RASGRF2: variants seen among roughly 807,000 people sequenced by gnomAD.
RASGRF2 encodes the protein ras-specific guanine nucleotide-releasing factor 2.
Under a neutral mutation model 151.0 loss-of-function variants are expected in RASGRF2, and 76 were observed. That is an observed-to-expected ratio of 0.50 (90% CI 0.42 to 0.61). The LOEUF is 0.61. Ranked by LOEUF, RASGRF2 falls within the 20% of genes least tolerant of loss-of-function variation. RASGRF2 has a pLI of 0.00. For synonymous variants in RASGRF2, 504 were observed against 566.5 expected (o/e 0.89, Z 1.57); for missense variants, 1,148 against 1,564.6 (o/e 0.73, Z 4.49).
intron 17 of RASGRF2, among the ~76,000 whole-genome samples, chr5:81,145,788 T>C (rs1753992200): frequency 6.6e-6 from 1 of 152,220 alleles, no homozygotes; most frequent in Non-Finnish European, 1.5e-5. Flanking sequence ...CTGAGCCCGA[T>C]CCACCCAGCT....
chr5:81,096,019 T>C (rs988867288), intron 12 of RASGRF2: 1 of 152,194 alleles, frequency 6.6e-6, no homozygotes, highest in Non-Finnish European at 1.5e-5. Context: ...AGTTAAGCAT[T>C]TGTCAAAAGC....
At chr5:80,961,766 T>C (rs553025203) in intron 1 of RASGRF2, among the ~76,000 whole-genome samples, 5 of 152,330 alleles carry the variant, frequency 3.3e-5, no homozygotes, top group Admixed American at 3.3e-4. Flanking sequence ...ATAATTTTAT[T>C]AGTTTTGCTG....
intron 2 of RASGRF2, among the ~76,000 whole-genome samples, chr5:81,062,189 G>A (rs1232683326): frequency 1.3e-5 from 2 of 151,972 alleles, no homozygotes; most frequent in Non-Finnish European, 1.5e-5. Context: ...TTATTACATT[G>A]TGTGAAGCCC....
At position 80,986,632 on chromosome 5, in the gene RASGRF2, C is replaced by T. The variant is rs755316634; in HGVS notation, c.288+25606C>T. Among the ~76,000 whole-genome samples the T allele has an allele frequency of 6.6e-5, 10 of 152,176 alleles. 1 individual carries two copies. The highest frequency in any genetic ancestry group is 1.9e-4 in the East Asian group (1 of 5,198). ...TGGATGCCTTGGGGACATAAGGAAA[C>T]GCAACAGTCTCTAACTTGGAGTTTA... On this transcript the variant is annotated intron_variant, in intron 1 of 26. Transcript: ENST00000265080.
intron 17 of RASGRF2, among the ~76,000 whole-genome samples, chr5:81,131,192 T>A (rs766882967): frequency 1.3e-5 from 2 of 152,148 alleles, no homozygotes; most frequent in African/African-American, 4.8e-5. Context: ...GCAATTTTTT[T>A]TGCAAGGAGG....
At chr5:80,963,523 T>C (rs140860296) in intron 1 of RASGRF2, among the ~76,000 whole-genome samples, 91 of 152,390 alleles carry the variant, frequency 6.0e-4, no homozygotes, top group African/African-American at 2.1e-3. Flanking sequence ...CAATTACCTT[T>C]CAATAATGGC....
At chr5:81,027,713 G>C (rs1371706170) in intron 1 of RASGRF2, among the ~76,000 whole-genome samples, 1 of 152,190 alleles carries the variant, frequency 6.6e-6, no homozygotes, top group Non-Finnish European at 1.5e-5. Context: ...TGAAAATCTT[G>C]TCAGTCTAAA....
intron 17 of RASGRF2, among the ~76,000 whole-genome samples, chr5:81,173,160 T>A (rs187861209): frequency 6.6e-6 from 1 of 152,228 alleles, no homozygotes; most frequent in South Asian, 2.1e-4. Flanking sequence ...GTGGATCACC[T>A]GAGGTTAGGA....
chr5:81,164,477 A>T (rs1298135268), intron 17 of RASGRF2, among the ~76,000 whole-genome samples: 1 of 151,158 alleles, frequency 6.6e-6, no homozygotes, highest in African/African-American at 2.4e-5. Context: ...AACCCTCATG[A>T]AGTTTAAGAA....
Position 81,087,437 on chromosome 5 carries a change from A to C in RASGRF2, c.1390+484A>C. On this transcript the variant is annotated intron_variant, in intron 9 of 26. Transcript: ENST00000265080. ...GCCCCACACGATATAATTTGATTCA[A>C]CTGGTAACTCCCGTTGCCAGATGAA... 3 of 657,422 alleles carry C rather than the reference A, an allele frequency of 4.6e-6. No homozygotes were observed. The East Asian group carries it at 8.2e-5, about 18-fold the overall frequency. The allele number at this position is 657,422 out of a possible 1,614,324, so 40.7% of individuals were successfully genotyped here. A position where few individuals can be genotyped will look rare whatever the true frequency, so the allele number is the denominator to read the frequency against.
At chr5:81,156,570 T>C (rs1401742874) in intron 17 of RASGRF2, among the ~76,000 whole-genome samples, 1 of 152,134 alleles carries the variant, frequency 6.6e-6, no homozygotes, top group Non-Finnish European at 1.5e-5. Context: ...TAATACATCA[T>C]ATAAATAATA....
At chr5:81,167,588 T>C (rs187618687) in intron 17 of RASGRF2, among the ~76,000 whole-genome samples, 1 of 152,326 alleles carries the variant, frequency 6.6e-6, no homozygotes, top group East Asian at 1.9e-4. Context: ...CGCTGGGCTT[T>C]CTGTAAGTTC....
At chr5:81,131,685 GA>G (rs796624027) in intron 17 of RASGRF2, among the ~76,000 whole-genome samples, 3,109 of 126,066 alleles carry the variant, frequency 0.025, 76 homozygotes, top group African/African-American at 0.072. Flanking sequence ...TAAAAGAAAA[GA>G]AAAAAAAAAA....
At chr5:81,082,161 A>G (rs532913885) in intron 7 of RASGRF2, among the ~76,000 whole-genome samples, 120 of 152,312 alleles carry the variant, frequency 7.9e-4, no homozygotes, top group African/African-American at 2.8e-3. Context: ...GAGAGGAACC[A>G]GCTTCCTACC....
At position 81,229,164 on chromosome 5, in the gene RASGRF2, TC is replaced by T. The variant is rs1407195033; in HGVS notation, c.*3395del. On this transcript the variant is annotated 3_prime_UTR_variant, in exon 27 of 27. Coordinates refer to ENST00000265080, the MANE Select transcript of RASGRF2 (RefSeq NM_006909.3). ...AGAGATTTTACTTAGCTTTTTTTTTTCAAAGTTTGATTTTATCCCCTTGAAA... is the reference window on the plus strand; with the variant it reads ...AGAGATTTTACTTAGCTTTTTTTTTTAAAGTTTGATTTTATCCCCTTGAAA... 2.6e-5 allele frequency: 4 copies of T among 152,234 alleles called. No individual in the cohort carries two copies. Among genetic ancestry groups the T allele is most frequent in the Admixed American group, 1.3e-4 (2 of 15,294 alleles). The allele number at this position is 152,234 out of a possible 1,614,324, so 9.4% of individuals were successfully genotyped here. A position where few individuals can be genotyped will look rare whatever the true frequency, so the allele number is the denominator to read the frequency against.
At chr5:81,176,186 G>C (rs1156377511) in intron 17 of RASGRF2, among the ~76,000 whole-genome samples, 1 of 152,154 alleles carries the variant, frequency 6.6e-6, no homozygotes, top group Admixed American at 6.5e-5. Context: ...CAACTTGCCA[G>C]AGTGTCTGCT....
intron 18 of RASGRF2, among the ~76,000 whole-genome samples, chr5:81,188,154 G>A (rs1037151717): frequency 9.2e-5 from 14 of 152,118 alleles, no homozygotes; most frequent in East Asian, 3.9e-4. Flanking sequence ...ATCCGGGCTC[G>A]TGTCAGTTGG....
chr5:81,166,684 A>G (rs1345067433), intron 17 of RASGRF2, among the ~76,000 whole-genome samples: 1 of 152,100 alleles, frequency 6.6e-6, no homozygotes, highest in Non-Finnish European at 1.5e-5. Flanking sequence ...AGGGCTGGTA[A>G]TTGAGGTCAG....
chr5:80,960,613 G>C lies in RASGRF2; in HGVS notation c.-126G>C. On this transcript the variant is annotated 5_prime_UTR_variant, in exon 1 of 27. Transcript: ENST00000265080. This position sits in a 1 kb window ranked among gnomAD's most constrained non-coding sequence, Gnocchi z 5.5. ...GGGCGGGGTGCCCTGCGCGCGGCGT[G>C]GGGAAAGGGGGCGCCCTTCGCCGGC... The C allele has an allele frequency of 1.1e-6, 1 of 952,372 alleles. No individual in the cohort carries two copies. Among genetic ancestry groups the C allele is most frequent in the Non-Finnish European group, 1.4e-6 (1 of 734,336 alleles). The allele number at this position is 952,372 out of a possible 1,614,324, so 59.0% of individuals were successfully genotyped here.
Sources: gnomAD v4.1 joint callset for allele counts (sites outside exome capture counted in the v4.1 genomes callset) on GRCh38, gnomAD v4.1.1 for gene constraint, Gnocchi (gnomAD v3.1) non-coding constraint, MANE v1.5 for transcripts, NCBI Gene and HGNC (gene_info 2026-07-23, HGNC 2026-07-21) for gene names.